CLMN: variants seen among roughly 807,000 people sequenced by gnomAD.
CLMN encodes calmin (calponin-like, transmembrane).
In CLMN, 57 loss-of-function variants were observed where a neutral mutation model predicts 92.7. The observed-to-expected ratio is 0.61, with a 90% CI of 0.50 to 0.77. CLMN has a LOEUF of 0.77. Ranked by LOEUF, CLMN falls within the 30% of genes least tolerant of loss-of-function variation. The probability of loss-of-function intolerance (pLI) is 0.00; values close to 1 mark genes in which losing one functional copy is unlikely to be tolerated. For missense variants in CLMN, 1,158 were observed against 1,237.5 expected, an observed-to-expected ratio of 0.94 and a Z score of 0.96; for synonymous variants, 466 against 470.6, an observed-to-expected ratio of 0.99 and a Z score of 0.13.
At chr14:95,210,357 G>A (rs936277026) in intron 7 of CLMN, among the ~76,000 whole-genome samples, 5 of 152,068 alleles carry the variant, frequency 3.3e-5, no homozygotes, top group African/African-American at 1.2e-4. Flanking sequence ...CAGCCACTAA[G>A]TACATTTTAG....
chr14:95,286,684 C>T (rs1465678878), intron 1 of CLMN, among the ~76,000 whole-genome samples: 1 of 152,100 alleles, frequency 6.6e-6, no homozygotes, highest in Non-Finnish European at 1.5e-5. Flanking sequence ...CATTTTACCC[C>T]CAAAAAATTA....
At chr14:95,215,811 CTCTCTGTGTGTGTGTGTGTGTG>C in intron 4 of CLMN, 78 bp from the exon 5 acceptor site, 1 of 903,104 alleles carries the variant, frequency 1.1e-6, no homozygotes, top group Admixed American at 2.0e-5. Flanking sequence ...TTCTCTCTCT[CTCTCTGTGTGTGTGTGTGTGTG>C]TGTGTGTGTG....
rs1333913352 is a variant in CLMN, at chr14:95,190,910, A to T, written c.*654T>A. The T allele has an allele frequency of 6.6e-6, 1 of 152,254 alleles. No homozygotes were observed. The highest frequency in any genetic ancestry group is 2.4e-5 in the African/African-American group (1 of 41,436). The allele number at this position is 152,254 out of a possible 1,614,324, so 9.4% of individuals were successfully genotyped here. ...CCTCAAACAAAAAACAAAACAAAAA[A>T]ACAACAAAAAAAACAGGGTGAAAAA... On this transcript the variant is annotated 3_prime_UTR_variant, in exon 13 of 13. Coordinates refer to ENST00000298912, the MANE Select transcript of CLMN (RefSeq NM_024734.4).
intron 1 of CLMN, among the ~76,000 whole-genome samples, chr14:95,311,805 T>C (rs1481444978): frequency 1.3e-5 from 2 of 152,116 alleles, no homozygotes; most frequent in African/African-American, 4.8e-5. Context: ...TTTTCCTCTG[T>C]ACCCCATCCT....
intron 1 of CLMN, among the ~76,000 whole-genome samples, chr14:95,303,986 A>G (rs573080074): frequency 2.0e-5 from 3 of 152,364 alleles, no homozygotes; most frequent in African/African-American, 7.2e-5. Flanking sequence ...AGACAGCAAT[A>G]CAATTCTAGG....
At chr14:95,310,645 C>G (rs1370904709) in intron 1 of CLMN, among the ~76,000 whole-genome samples, 3 of 152,226 alleles carry the variant, frequency 2.0e-5, no homozygotes, top group Admixed American at 6.5e-5. Flanking sequence ...TCACTCAGGG[C>G]TCCACTCAGA....
intron 1 of CLMN, among the ~76,000 whole-genome samples, chr14:95,262,845 C>T (rs1282379440): frequency 6.6e-6 from 1 of 152,210 alleles, no homozygotes; most frequent in African/African-American, 2.4e-5. Flanking sequence ...GGGTTTCAGG[C>T]ATGAGCTACT....
At chr14:95,243,719 A>ATT (rs35698997) in intron 1 of CLMN, among the ~76,000 whole-genome samples, 6 of 139,484 alleles carry the variant, frequency 4.3e-5, no homozygotes, top group East Asian at 4.1e-4. Flanking sequence ...AATCTCCTCT[A>ATT]TTTTTTTTTT....
intron 1 of CLMN, among the ~76,000 whole-genome samples, chr14:95,261,054 G>T (rs1005115634): frequency 6.6e-6 from 1 of 151,938 alleles, no homozygotes; most frequent in African/African-American, 2.4e-5. Context: ...GGCCAACAGC[G>T]CTGTAACTCA....
intron 4 of CLMN, among the ~76,000 whole-genome samples, chr14:95,219,558 C>T (rs538361313): frequency 1.4e-4 from 21 of 152,322 alleles, no homozygotes; most frequent in Non-Finnish European, 2.6e-4. Flanking sequence ...GCCCCAAAAA[C>T]TCTCCCAGGT....
intron 4 of CLMN, among the ~76,000 whole-genome samples, chr14:95,218,392 T>G (rs1897420255): frequency 6.6e-6 from 1 of 152,186 alleles, no homozygotes; most frequent in African/African-American, 2.4e-5. Flanking sequence ...GACACGGGCA[T>G]AAACACTGTG....
chr14:95,274,399 A>G (rs1032698322), intron 1 of CLMN, among the ~76,000 whole-genome samples: 8 of 152,108 alleles, frequency 5.3e-5, no homozygotes, highest in African/African-American at 1.9e-4. Context: ...ACCCCTGCCC[A>G]TGCACAGCAG....
intron 1 of CLMN, chr14:95,260,545 C>A (rs1899210921): frequency 6.6e-6 from 1 of 152,160 alleles, no homozygotes; most frequent in Admixed American, 6.5e-5. Flanking sequence ...GAGACGTTAT[C>A]TTAGACACAT....
intron 1 of CLMN, among the ~76,000 whole-genome samples, chr14:95,276,326 C>T (rs1298818588): frequency 1.3e-5 from 2 of 152,170 alleles, no homozygotes; most frequent in South Asian, 2.1e-4. Context: ...AAGTGGATTT[C>T]GTGCCACAGG....
At chr14:95,281,001 G>A (rs559026051) in intron 1 of CLMN, among the ~76,000 whole-genome samples, 11 of 152,198 alleles carry the variant, frequency 7.2e-5, no homozygotes, top group African/African-American at 1.4e-4. Flanking sequence ...AATCAGCTAC[G>A]GAACTCTGAC....
At chr14:95,232,768 A>ATG (rs1566883020) in intron 1 of CLMN, among the ~76,000 whole-genome samples, 2 of 152,214 alleles carry the variant, frequency 1.3e-5, no homozygotes, top group African/African-American at 4.8e-5. Context: ...CCCAAGCTCT[A>ATG]TCGGAGATCC....
chr14:95,213,693 C>G (rs1022466041), intron 5 of CLMN, among the ~76,000 whole-genome samples: 1 of 152,124 alleles, frequency 6.6e-6, no homozygotes, highest in African/African-American at 2.4e-5. Flanking sequence ...CACACCAGGT[C>G]TTCCTGACCC....
At chr14:95,223,147 G>T (rs931988950) in intron 3 of CLMN, among the ~76,000 whole-genome samples, 1 of 152,204 alleles carries the variant, frequency 6.6e-6, no homozygotes. Flanking sequence ...TTAGCAGTTA[G>T]ATACTAAATG....
At chr14:95,267,617 C>A (rs1410461993) in intron 1 of CLMN, among the ~76,000 whole-genome samples, 1 of 152,058 alleles carries the variant, frequency 6.6e-6, no homozygotes, top group Non-Finnish European at 1.5e-5. Flanking sequence ...TATGAAGATT[C>A]GTCAAAAAAC....
Sources: gnomAD v4.1 joint callset for allele counts (sites outside exome capture counted in the v4.1 genomes callset) on GRCh38, gnomAD v4.1.1 for gene constraint, MANE v1.5 for transcripts, NCBI Gene and HGNC (gene_info 2026-07-23, HGNC 2026-07-21) for gene names.